ZFP69B: variants seen among roughly 807,000 people sequenced by gnomAD.
ZFP69B encodes zinc finger protein 69 homolog B.
ZFP69B carries 20 observed loss-of-function variants against 19.7 expected under a neutral mutation model. The observed-to-expected ratio is 1.02, with a 90% CI of 0.71 to 1.48. ZFP69B has a LOEUF of 1.48. Among genes scored for constraint, ZFP69B ranks in the 40% most tolerant of loss-of-function variants. ZFP69B has a pLI of 0.00. For synonymous variants in ZFP69B, 220 were observed against 222.7 expected, an observed-to-expected ratio of 0.99 and a Z score of 0.11; for missense variants, 583 against 632.6, an observed-to-expected ratio of 0.92 and a Z score of 0.84.
intron 1 of ZFP69B, among the ~76,000 whole-genome samples, chr1:40,453,631 G>A (rs1645206128): frequency 6.6e-6 from 1 of 152,178 alleles, no homozygotes. Context: ...TGTGTGGGTA[G>A]GTGTGTCCAG....
At chr1:40,460,808 C>A (rs1032875572) in intron 4 of ZFP69B, among the ~76,000 whole-genome samples, 21 of 151,972 alleles carry the variant, frequency 1.4e-4, no homozygotes, top group African/African-American at 4.3e-4. Context: ...TGGTGAAATC[C>A]CATCTTTACT....
In ZFP69B at chr1:40,457,009, C is replaced by CT. The variant is rs772069051; in HGVS notation, c.279dup (p.Ala94CysfsTer68). ...CAGGAGGAGTGGGGGCAGCTGGCCC[C>CT]TGCTCACCGGAATCTGTACCGGGAG... On this transcript the variant is annotated frameshift_variant, in exon 3 of 5. Coordinates refer to ENST00000361584, the MANE Select transcript of ZFP69B (RefSeq NM_023070.3). LOFTEE classifies it high-confidence loss of function. 1 of 1,613,882 alleles carries CT rather than the reference C, an allele frequency of 6.2e-7. No individual in the cohort carries two copies.
At chr1:40,460,528 G>C (rs1645272235) in intron 4 of ZFP69B, among the ~76,000 whole-genome samples, 1 of 152,142 alleles carries the variant, frequency 6.6e-6, no homozygotes, top group Middle Eastern at 3.2e-3. Flanking sequence ...TTAATGTACA[G>C]ATATAAAAAG....
chr1:40,462,735 C>G lies in ZFP69B; in HGVS notation c.751C>G (p.Arg251Gly), dbSNP rs955594442. Reference sequence around the variant, plus strand: ...AATAGGTCTTCCAAGAAAAAGAGATCGTAAATATGACACACCTGGAAAGAG... The same window carrying G: ...AATAGGTCTTCCAAGAAAAAGAGATGGTAAATATGACACACCTGGAAAGAG... ...GPIGLPRKRD[R>G]KYDTPGKRSR... Residue 251 changes from arginine to glycine, a missense_variant, in exon 5 of 5, where the codon CGT becomes GGT. By Grantham distance (125) the Arg-to-Gly change is moderately radical. Transcript: ENST00000361584. 1.2e-6 allele frequency: 2 copies of G among 1,613,888 alleles called. No homozygotes were observed. Among genetic ancestry groups the G allele is most frequent in the African/African-American group, 1.3e-5 (1 of 74,886 alleles).
In ZFP69B at chr1:40,463,067, G is replaced by A. The variant is rs772457918; in HGVS notation, c.1083G>A (p.Lys361=). 1 of 1,614,054 alleles carries A rather than the reference G, an allele frequency of 6.2e-7. No homozygotes were observed. The highest frequency in any genetic ancestry group is 1.3e-5 in the African/African-American group (1 of 74,932). ...TQHVRIHTGE[K]PYECRVCEKA... is the part of the protein sequence containing the mutation. ...ATGTTAGAATTCATACCGGGGAAAAGCCCTATGAATGTAGGGTATGTGAGA... is the reference window on the plus strand; with the variant it reads ...ATGTTAGAATTCATACCGGGGAAAAACCCTATGAATGTAGGGTATGTGAGA... The change falls in exon 5 of 5, where the codon AAG becomes AAA. Residue 361 remains lysine, a synonymous_variant. Transcript: ENST00000361584.
At chr1:40,461,523 G>A (rs1248534375) in intron 4 of ZFP69B, among the ~76,000 whole-genome samples, 1 of 152,046 alleles carries the variant, frequency 6.6e-6, no homozygotes, top group African/African-American at 2.4e-5. Context: ...ACCCAGGCAT[G>A]GTGGCTTACA....
intron 2 of ZFP69B, 65 bp downstream of exon 2, chr1:40,454,353 G>A: frequency 1.7e-6 from 2 of 1,200,960 alleles, no homozygotes; most frequent in South Asian, 3.4e-5. Context: ...GCAGGAGTTT[G>A]ATTTTCTTTG....
chr1:40,458,054 C>T (rs1032782946), intron 4 of ZFP69B, among the ~76,000 whole-genome samples: 6 of 152,150 alleles, frequency 3.9e-5, no homozygotes, highest in Non-Finnish European at 7.3e-5. Flanking sequence ...TACCTGGGTT[C>T]TCTGTGAATG....
At chr1:40,458,863 G>T (rs1312709857) in intron 4 of ZFP69B, among the ~76,000 whole-genome samples, 1 of 152,124 alleles carries the variant, frequency 6.6e-6, no homozygotes, top group Non-Finnish European at 1.5e-5. Flanking sequence ...TCTTCATCTG[G>T]TGATTCAGAA....
intron 2 of ZFP69B, among the ~76,000 whole-genome samples, chr1:40,456,381 G>A (rs995760957): frequency 6.6e-6 from 1 of 152,022 alleles, no homozygotes; most frequent in Non-Finnish European, 1.5e-5. Flanking sequence ...ATTGTCAAAC[G>A]GTTATTTTTT....
intron 4 of ZFP69B, among the ~76,000 whole-genome samples, chr1:40,458,087 C>G (rs533539451): frequency 5.9e-5 from 9 of 152,216 alleles, no homozygotes; most frequent in African/African-American, 2.2e-4. Context: ...TCTGTAAGTC[C>G]CACATTAGCT....
intron 1 of ZFP69B, among the ~76,000 whole-genome samples, chr1:40,451,406 G>T (rs999702797): frequency 3.3e-5 from 5 of 152,150 alleles, no homozygotes; most frequent in African/African-American, 1.2e-4. Context: ...CCTGCCCAGG[G>T]TCACACAGGA....
At position 40,451,047 on chromosome 1, in the gene ZFP69B, T is replaced by A. The variant is rs1266708965; in HGVS notation, c.86T>A (p.Val29Glu). 6.5e-7 allele frequency: 1 copy of A among 1,547,608 alleles called. No individual in the cohort carries two copies. Among genetic ancestry groups the A allele is most frequent in the Non-Finnish European group, 8.7e-7 (1 of 1,145,570 alleles). Residue 29 changes from valine (V) to glutamate (E), a missense_variant, in exon 1 of 5, where the codon GTG (valine) becomes GAG (glutamate). Coordinates refer to ENST00000361584, the MANE Select transcript of ZFP69B (RefSeq NM_023070.3). ...CATCCAAAGGCGGCCACGGAGCGGG[T>A]GGCCCTGTGGGAGGATGTGACTAAG... is the stretch of plus-strand genomic sequence containing the variant. ...LRHPKAATER[V>E]ALWEDVTKMF...
chr1:40,459,910 A>G (rs1193481565), intron 4 of ZFP69B, among the ~76,000 whole-genome samples: 2 of 152,170 alleles, frequency 1.3e-5, no homozygotes, highest in Admixed American at 1.3e-4. Context: ...AGAGCCCAAA[A>G]TGGATGGATA....
intron 1 of ZFP69B, among the ~76,000 whole-genome samples, chr1:40,451,665 A>G (rs986552110): frequency 2.9e-5 from 4 of 139,470 alleles, no homozygotes; most frequent in African/African-American, 8.0e-5. Flanking sequence ...GGGGGGGGGG[A>G]ATTCATTTGC....
Position 40,450,918 on chromosome 1 carries a change from T to C in ZFP69B, c.-44T>C. 6.7e-7 allele frequency: 1 copy of C among 1,491,172 alleles called. No individual in the cohort carries two copies. The highest frequency in any genetic ancestry group is 8.9e-7 in the Non-Finnish European group (1 of 1,117,670). 92.4% of individuals were successfully genotyped at this position (1,491,172 alleles called of 1,614,324 possible). On this transcript the variant is annotated 5_prime_UTR_variant, in exon 1 of 5. It removes an upstream start codon present in the reference 5' UTR. Transcript: ENST00000361584. ...CCTCATCAGAGGTGGACAAGCCCTA[T>C]GGGCTAAGACAGAGGGTCCTCAGAA...
chr1:40,461,199 A>G (rs749092046), intron 4 of ZFP69B, among the ~76,000 whole-genome samples: 90 of 151,440 alleles, frequency 5.9e-4, no homozygotes, highest in Middle Eastern at 3.4e-3. Context: ...TATGTATACC[A>G]TGATCTTTTT....
At chr1:40,452,284 C>G (rs1329481646) in intron 1 of ZFP69B, among the ~76,000 whole-genome samples, 1 of 151,974 alleles carries the variant, frequency 6.6e-6, no homozygotes. Context: ...CATAATTTTC[C>G]AATAGTGAGG....
chr1:40,462,741 TA>T lies in ZFP69B; in HGVS notation c.758del (p.Tyr253LeufsTer12). ...IGLPRKRDRK[Y>X]DTPGKRSRYN... is the part of the protein sequence containing the mutation. Reference sequence around the variant, plus strand: ...TCTTCCAAGAAAAAGAGATCGTAAATATGACACACCTGGAAAGAGAAGCAGA... The same window carrying T: ...TCTTCCAAGAAAAAGAGATCGTAAATTGACACACCTGGAAAGAGAAGCAGA... On this transcript the variant is annotated frameshift_variant, in exon 5 of 5. Transcript: ENST00000361584. LOFTEE classifies it low-confidence loss of function (END_TRUNC). 5 of 1,614,114 alleles carry T rather than the reference TA, an allele frequency of 3.1e-6. No individual in the cohort carries two copies. Among genetic ancestry groups the T allele is most frequent in the Non-Finnish European group, 4.2e-6 (5 of 1,180,012 alleles).
Sources: allele counts gnomAD v4.1 joint callset (sites outside exome capture counted in the v4.1 genomes callset), GRCh38; gene constraint gnomAD v4.1.1; transcripts MANE v1.5; gene names NCBI Gene and HGNC (gene_info 2026-07-23, HGNC 2026-07-21).